The following ZNF136 variants were observed in gnomAD, a reference collection of about 807,000 sequenced individuals.
The protein encoded by ZNF136 is zinc finger protein 136, also known as zinc finger protein 136 (clone pHZ-20).
Under a neutral mutation model 11.4 loss-of-function variants are expected in ZNF136, and 8 were observed. The ratio of observed to expected loss-of-function variants is 0.70; its 90% CI spans 0.41 to 1.27. The LOEUF is 1.27. Ranked by LOEUF, ZNF136 falls within the 50% of genes most tolerant of loss-of-function variation. The pLI, the probability that ZNF136 is intolerant of heterozygous loss-of-function variation, is 0.01. For missense variants in ZNF136, 590 were observed against 656.5 expected (o/e 0.90, Z 1.11); for synonymous variants, 190 against 207.1 (o/e 0.92, Z 0.71).
Position 12,163,144 on chromosome 19 carries a change from G to A in ZNF136, c.-60G>A. 2 of 1,396,298 alleles carry A rather than the reference G, an allele frequency of 1.4e-6. No homozygotes were observed. The highest frequency in any genetic ancestry group is 2.9e-5 in the Admixed American group (1 of 35,012). 86.5% of individuals were successfully genotyped at this position (1,396,298 alleles called of 1,614,324 possible). A position where few individuals can be genotyped will look rare whatever the true frequency, so the allele number is the denominator to read the frequency against. On this transcript the variant is annotated 5_prime_UTR_variant, in exon 1 of 4. Coordinates refer to ENST00000343979, the MANE Select transcript of ZNF136 (RefSeq NM_003437.5). Reference sequence around the variant, plus strand: ...GCTCGCCTGGAGTCTCTGTGGCGCGGTTTCCTGTACCTGCCTTGGGATCCG... The same window carrying A: ...GCTCGCCTGGAGTCTCTGTGGCGCGATTTCCTGTACCTGCCTTGGGATCCG...
intron 1 of ZNF136, among the ~76,000 whole-genome samples, chr19:12,171,792 C>T (rs778135328): frequency 9.2e-5 from 14 of 151,716 alleles, no homozygotes; most frequent in Non-Finnish European, 1.8e-4. Context: ...TTGGCTCTTC[C>T]TTTCAGGCCT....
intron 1 of ZNF136, among the ~76,000 whole-genome samples, chr19:12,163,484 T>C (rs1216901302): frequency 6.6e-6 from 1 of 152,212 alleles, no homozygotes; most frequent in Non-Finnish European, 1.5e-5. Context: ...GCGAGGGTCA[T>C]GGGGTGGGGG....
chr19:12,176,986 A>G (rs903890444), intron 1 of ZNF136, among the ~76,000 whole-genome samples: 1 of 152,296 alleles, frequency 6.6e-6, no homozygotes, highest in East Asian at 1.9e-4. Context: ...GCCCTTTAAA[A>G]TCTGGAATGC....
chr19:12,163,570 G>C (rs1482971087), intron 1 of ZNF136, among the ~76,000 whole-genome samples: 1 of 152,196 alleles, frequency 6.6e-6, no homozygotes, highest in Non-Finnish European at 1.5e-5. Context: ...GAGGACACCC[G>C]TTTTTCCCTG....
intron 1 of ZNF136, among the ~76,000 whole-genome samples, chr19:12,180,553 A>G (rs564981145): frequency 6.6e-6 from 1 of 152,310 alleles, no homozygotes; most frequent in African/African-American, 2.4e-5. Context: ...ATAATACGGA[A>G]GCTGAGGGTG....
chr19:12,180,360 C>T (rs1914910126), intron 1 of ZNF136, among the ~76,000 whole-genome samples: 1 of 152,142 alleles, frequency 6.6e-6, no homozygotes, highest in African/African-American at 2.4e-5. Context: ...AGACTCAGAA[C>T]ATCCAGAATT....
intron 1 of ZNF136, among the ~76,000 whole-genome samples, chr19:12,179,730 A>G (rs934439855): frequency 6.6e-6 from 1 of 152,228 alleles, no homozygotes; most frequent in Non-Finnish European, 1.5e-5. Context: ...CTTGGTTATT[A>G]TGATAGTTCT....
intron 1 of ZNF136, among the ~76,000 whole-genome samples, chr19:12,170,210 G>GA (rs1277488584): frequency 2.0e-5 from 3 of 152,050 alleles, no homozygotes; most frequent in African/African-American, 7.2e-5. Flanking sequence ...TTACAGGCGT[G>GA]AGCCACCGCG....
intron 3 of ZNF136, 146 bp from the exon 4 acceptor site, chr19:12,186,424 A>C (rs1223832967): frequency 1.2e-6 from 1 of 803,386 alleles, no homozygotes; most frequent in East Asian, 2.7e-5. Context: ...AGCCCATTGC[A>C]GAGCATTGAA....
chr19:12,173,962 A>G (rs1256980601), intron 1 of ZNF136, among the ~76,000 whole-genome samples: 1 of 151,890 alleles, frequency 6.6e-6, no homozygotes, highest in African/African-American at 2.4e-5. Context: ...CTGGAGTGCA[A>G]TGGCATGATC....
chr19:12,180,329 T>A (rs1914909204), intron 1 of ZNF136, among the ~76,000 whole-genome samples: 1 of 152,230 alleles, frequency 6.6e-6, no homozygotes, highest in Non-Finnish European at 1.5e-5. Context: ...TTTTTCAATA[T>A]GCCTCATATG....
At chr19:12,164,644 T>C (rs1977160809) in intron 1 of ZNF136, 1 of 152,234 alleles carries the variant, frequency 6.6e-6, no homozygotes, top group Non-Finnish European at 1.5e-5. Flanking sequence ...GAGTTTCACC[T>C]TGTTAGCCAG....
At chr19:12,170,075 T>C (rs914667622) in intron 1 of ZNF136, among the ~76,000 whole-genome samples, 2 of 147,748 alleles carry the variant, frequency 1.4e-5, no homozygotes, top group African/African-American at 2.4e-5. Flanking sequence ...ATTACAGGCG[T>C]GAGCCACCAC....
At chr19:12,171,842 A>T (rs1019467367) in intron 1 of ZNF136, among the ~76,000 whole-genome samples, 4 of 151,970 alleles carry the variant, frequency 2.6e-5, no homozygotes, top group African/African-American at 7.3e-5. Context: ...GAGAGTGTAT[A>T]TTTAGGGCAA....
chr19:12,168,441 C>A (rs1914546128), intron 1 of ZNF136, among the ~76,000 whole-genome samples: 1 of 151,974 alleles, frequency 6.6e-6, no homozygotes, highest in Non-Finnish European at 1.5e-5. Context: ...TGTAAAAATT[C>A]TGGAATGAAG....
chr19:12,171,268 C>T (rs1053031091), intron 1 of ZNF136, among the ~76,000 whole-genome samples: 2 of 152,132 alleles, frequency 1.3e-5, no homozygotes, highest in African/African-American at 2.4e-5. Flanking sequence ...TGTGTGCCAC[C>T]GCACCTGGCT....
At chr19:12,174,857 CTT>C (rs538143217) in intron 1 of ZNF136, among the ~76,000 whole-genome samples, 15 of 87,216 alleles carry the variant, frequency 1.7e-4, no homozygotes, top group Admixed American at 2.6e-4. Flanking sequence ...GGATGGCTTT[CTT>C]TTTTTTTTTT....
chr19:12,177,679 C>T (rs571546846), intron 1 of ZNF136, among the ~76,000 whole-genome samples: 27 of 152,258 alleles, frequency 1.8e-4, no homozygotes, highest in South Asian at 1.5e-3. Context: ...CAGTCATTCT[C>T]GCAGGTGTGA....
intron 1 of ZNF136, chr19:12,169,523 C>T (rs186914436): frequency 6.6e-6 from 1 of 152,066 alleles, no homozygotes; most frequent in Non-Finnish European, 1.5e-5. Flanking sequence ...TAAAGGTAAA[C>T]AAATAAGCCT....
Sources: gnomAD v4.1 joint callset for allele counts (sites outside exome capture counted in the v4.1 genomes callset) on GRCh38, gnomAD v4.1.1 for gene constraint, MANE v1.5 for transcripts, NCBI Gene and HGNC (gene_info 2026-07-23, HGNC 2026-07-21) for gene names.